The following TDRD9 variants were observed in gnomAD, a reference collection of about 807,000 sequenced individuals.
The protein encoded by TDRD9 is ATP-dependent RNA helicase TDRD9.
In TDRD9, 124 loss-of-function variants were observed where a neutral mutation model predicts 172.6. The observed-to-expected ratio is 0.72, with a 90% CI of 0.62 to 0.83. The LOEUF (loss-of-function observed/expected upper bound fraction) is 0.83, where lower values mean the gene tolerates loss of function less well. TDRD9 is among the 40% of genes least tolerant of loss of function. The pLI is 0.00. For synonymous variants in TDRD9, 619 were observed against 617.1 expected (o/e 1.00, Z -0.05); for missense variants, 1,479 against 1,714.1 (o/e 0.86, Z 2.42).
chr14:104,033,243 T>A (rs1191708791), intron 30 of TDRD9, among the ~76,000 whole-genome samples: 2 of 152,214 alleles, frequency 1.3e-5, no homozygotes, highest in African/African-American at 4.8e-5. Flanking sequence ...CCCTAGGGCC[T>A]TCCAAATGAG....
At chr14:103,940,749 A>G in intron 1 of TDRD9, 2 of 1,182,604 alleles carry the variant, frequency 1.7e-6, no homozygotes, top group Non-Finnish European at 2.4e-6. Context: ...ACTTTTTCTT[A>G]TTCTTAATAT....
intron 20 of TDRD9, among the ~76,000 whole-genome samples, chr14:104,011,032 G>A (rs2034597148): frequency 6.6e-6 from 1 of 152,184 alleles, no homozygotes; most frequent in African/African-American, 2.4e-5. Flanking sequence ...AGACACGTGA[G>A]TAAACGTGTT....
chr14:104,027,065 G>A (rs1204242387), intron 28 of TDRD9, 126 bp downstream of exon 28: 15 of 1,069,528 alleles, frequency 1.4e-5, no homozygotes, highest in Non-Finnish European at 1.8e-5. Flanking sequence ...TTGGTTTGCT[G>A]TACTTGTGTT....
intron 34 of TDRD9, chr14:104,049,337 C>T (rs1596038258): frequency 9.8e-6 from 2 of 203,810 alleles, no homozygotes; most frequent in East Asian, 2.3e-4. Flanking sequence ...GAACTTGACT[C>T]ATTCATGTGG....
chr14:103,969,863 G>A (rs927074152), intron 5 of TDRD9, among the ~76,000 whole-genome samples: 3 of 152,130 alleles, frequency 2.0e-5, no homozygotes, highest in African/African-American at 7.2e-5. Flanking sequence ...GGCTCTGACT[G>A]TGAGGTCTCT....
At position 103,970,586 on chromosome 14, in the gene TDRD9, C is replaced by T. The variant is rs576790084; in HGVS notation, c.811C>T (p.Arg271Cys). The change falls in exon 6 of 36, where the codon CGC becomes TGC. Residue 271 changes from arginine (R) to cysteine (C), a missense_variant. Arg to Cys is a radical substitution (Grantham distance 180, BLOSUM62 -3). Around this residue, in one of 3 missense-constraint regions of TDRD9, gnomAD observed 1,413 missense variants for 1,649.1 expected, o/e 0.86. Coordinates refer to ENST00000409874, the MANE Select transcript of TDRD9 (RefSeq NM_153046.3). ...AATGGATTTCCTGCTATTGGTAGTC[C>T]GCAAACTCTTAAGAACAAATTCACG... ...EEMDFLLLVV[R>C]KLLRTNSRFV... is the part of the protein sequence containing the mutation. 4.4e-5 allele frequency: 69 copies of T among 1,551,394 alleles called. No individual in the cohort carries two copies. The highest frequency in any genetic ancestry group is 3.3e-4 in the Middle Eastern group (2 of 6,012).
intron 30 of TDRD9, among the ~76,000 whole-genome samples, chr14:104,033,022 C>T (rs564200504): frequency 2.2e-5 from 3 of 133,368 alleles, no homozygotes; most frequent in East Asian, 4.3e-4. Context: ...AGAGTTTGCA[C>T]GTGTAACTCG....
intron 14 of TDRD9, chr14:104,005,052 C>G: frequency 1.2e-5 from 4 of 341,920 alleles, no homozygotes; most frequent in Non-Finnish European, 1.6e-5. Flanking sequence ...TCTCTTTTTT[C>G]TTCCTTCTCT....
chr14:103,932,302 A>G (rs1280973950), intron 1 of TDRD9, among the ~76,000 whole-genome samples: 1 of 152,188 alleles, frequency 6.6e-6, no homozygotes, highest in Non-Finnish European at 1.5e-5. Flanking sequence ...ATACTTGGAT[A>G]CTTGTTGAAT....
At chr14:104,011,798 A>G (rs775791675) in intron 20 of TDRD9, among the ~76,000 whole-genome samples, 15 of 152,196 alleles carry the variant, frequency 9.9e-5, no homozygotes, top group Non-Finnish European at 1.9e-4. Context: ...GGGAGTCCCC[A>G]AGACCATCCT....
At position 104,024,730 on chromosome 14, in the gene TDRD9, A is replaced by G. The variant is rs776366720; in HGVS notation, c.2718+50A>G. On this transcript the variant is annotated intron_variant, in intron 25 of 35. Transcript: ENST00000409874. Reference sequence around the variant, plus strand: ...TCCTTCTTCTTAATCTAAAATCATCATGTTGTATACAGGAAGTTTACACAC... The same window carrying G: ...TCCTTCTTCTTAATCTAAAATCATCGTGTTGTATACAGGAAGTTTACACAC... 1.4e-5 allele frequency: 14 copies of G among 995,050 alleles called. No homozygotes were observed. The East Asian group carries it at 3.2e-4, about 23-fold the overall frequency. The allele number at this position is 995,050 out of a possible 1,614,324, so 61.6% of individuals were successfully genotyped here.
In TDRD9 at chr14:103,928,639, C is replaced by T. The variant is rs1305360965; in HGVS notation, c.130C>T (p.Gln44Ter). The T allele has an allele frequency of 4.7e-6, 6 of 1,285,996 alleles. No homozygotes were observed. In the African/African-American group the frequency reaches 9.4e-5, roughly 20 times the overall value. The allele number at this position is 1,285,996 out of a possible 1,614,324, so 79.7% of individuals were successfully genotyped here. Residue 44 changes from glutamine (Q) to a stop codon, truncating the protein, a stop_gained, in exon 1 of 36, where the codon CAG (glutamine) becomes TAG (stop). Coordinates refer to ENST00000409874, the MANE Select transcript of TDRD9 (RefSeq NM_153046.3). LOFTEE classifies it high-confidence loss of function. Reference sequence around the variant, plus strand: ...GGCGGCCAGGGAGGAGGTGCAGCGCCAGGACGTGGCCCCCGGCGCTGGTCC... The same window carrying T: ...GGCGGCCAGGGAGGAGGTGCAGCGCTAGGACGTGGCCCCCGGCGCTGGTCC... ...AGAAREEVQR[Q>*]DVAPGAGPAA...
Position 103,963,104 on chromosome 14 carries a change from A to T in TDRD9, c.348A>T (p.Leu116Phe). 1.3e-6 allele frequency: 2 copies of T among 1,548,890 alleles called. No individual in the cohort carries two copies. The highest frequency in any genetic ancestry group is 1.7e-6 in the Non-Finnish European group (2 of 1,145,866). ...GTCCAAGGCCATCTTTGGCTAAATT[A>T]AGCAGTGTGACATGCATCCCAGGGA... ...GPGPRPSLAK[L>F]SSVTCIPGTT... Residue 116 changes from leucine (L) to phenylalanine (F), a missense_variant, in exon 3 of 36, where the codon TTA becomes TTT. Leu to Phe is a conservative substitution (Grantham distance 22, BLOSUM62 0). Coordinates refer to ENST00000409874, the MANE Select transcript of TDRD9 (RefSeq NM_153046.3).
chr14:103,978,300 G>A (rs2033337209), intron 7 of TDRD9, among the ~76,000 whole-genome samples: 1 of 152,036 alleles, frequency 6.6e-6, no homozygotes. Flanking sequence ...CCAATTCATG[G>A]CAAGGCACAG....
intron 33 of TDRD9, among the ~76,000 whole-genome samples, chr14:104,041,813 C>T (rs936422989): frequency 6.6e-6 from 1 of 152,038 alleles, no homozygotes; most frequent in Admixed American, 6.5e-5. Context: ...ACCATATGAC[C>T]CAGGAATCCC....
At chr14:103,986,499 A>G (rs111649715) in intron 8 of TDRD9, among the ~76,000 whole-genome samples, 179 bp downstream of exon 8, 3,524 of 152,314 alleles carry the variant, frequency 0.023, 78 homozygotes, top group East Asian at 0.071. Context: ...GGAAATATCT[A>G]TTTTAAATAA....
intron 1 of TDRD9, among the ~76,000 whole-genome samples, chr14:103,951,457 A>G (rs2031865159): frequency 6.6e-6 from 1 of 152,270 alleles, no homozygotes; most frequent in Non-Finnish European, 1.5e-5. Context: ...ACTTCTGGAT[A>G]ACACACTGAT....
intron 34 of TDRD9, among the ~76,000 whole-genome samples, chr14:104,046,845 A>C (rs1198851730): frequency 1.3e-5 from 2 of 152,004 alleles, no homozygotes; most frequent in Non-Finnish European, 2.9e-5. Context: ...ACGGGGTTTC[A>C]CTGTGTTCGC....
At chr14:103,968,794 T>TAAAAAAAAAAAAAAAA (rs1475595274) in intron 5 of TDRD9, among the ~76,000 whole-genome samples, 1 of 2,168 alleles carries the variant, frequency 4.6e-4, no homozygotes, top group Non-Finnish European at 1.8e-3. Context: ...AGACTCTGTC[T>TAAAAAAAAAAAAAAAA]CAAAAAAAAA....
Sources: allele counts gnomAD v4.1 joint callset (sites outside exome capture counted in the v4.1 genomes callset), GRCh38; gene constraint gnomAD v4.1.1; regional missense constraint gnomAD v4.1.1; transcripts MANE v1.5; gene names NCBI Gene and HGNC (gene_info 2026-07-23, HGNC 2026-07-21).